The following TDRP variants were observed in gnomAD, a reference collection of about 807,000 sequenced individuals.
TDRP encodes testis development-related protein.
Under a neutral mutation model 10.5 loss-of-function variants are expected in TDRP, and 12 were observed. The observed-to-expected ratio is 1.15, with a 90% CI of 0.73 to 1.86. The LOEUF is 1.86. Among genes scored for constraint, TDRP ranks in the 40% most tolerant of loss-of-function variants. TDRP has a pLI of 0.00. For synonymous variants in TDRP, 139 were observed against 95.4 expected, an observed-to-expected ratio of 1.46 and a Z score of -2.67; for missense variants, 353 against 229.2, an observed-to-expected ratio of 1.54 and a Z score of -3.49.
At chr8:529,167 T>C (rs1246908353) in intron 1 of TDRP, among the ~76,000 whole-genome samples, 4 of 152,090 alleles carry the variant, frequency 2.6e-5, no homozygotes, top group Admixed American at 6.5e-5. Flanking sequence ...AATGTTAACC[T>C]CCTTTGGCAA....
At chr8:538,969 C>T (rs2116876589) in intron 1 of TDRP, among the ~76,000 whole-genome samples, 1 of 152,362 alleles carries the variant, frequency 6.6e-6, no homozygotes, top group East Asian at 1.9e-4. Context: ...CAAATGCACG[C>T]ATCCTCGGAC....
chr8:543,615 A>G (rs1056799407), intron 1 of TDRP, among the ~76,000 whole-genome samples: 3 of 152,022 alleles, frequency 2.0e-5, no homozygotes, highest in Non-Finnish European at 4.4e-5. Context: ...AGACAAGTTC[A>G]GATAGTAACC....
At chr8:505,896 G>C (rs1459831517) in intron 1 of TDRP, among the ~76,000 whole-genome samples, 1 of 152,120 alleles carries the variant, frequency 6.6e-6, no homozygotes, top group African/African-American at 2.4e-5. Context: ...CACACCCAAA[G>C]TCGGCACGTA....
chr8:533,756 C>T (rs57318975), intron 1 of TDRP, among the ~76,000 whole-genome samples: 4,228 of 152,202 alleles, frequency 0.028, 203 homozygotes, highest in African/African-American at 0.097. Flanking sequence ...CTATCCCCCT[C>T]CCCCGATCAC....
chr8:525,391 C>G (rs926477211), intron 1 of TDRP, among the ~76,000 whole-genome samples: 1 of 152,030 alleles, frequency 6.6e-6, no homozygotes, highest in Non-Finnish European at 1.5e-5. Context: ...ACTGGTAATA[C>G]TAAGTACATA....
intron 1 of TDRP, among the ~76,000 whole-genome samples, chr8:521,244 TCCAAAAAAA>T (rs1205600948): frequency 4.0e-5 from 3 of 74,524 alleles, no homozygotes; most frequent in African/African-American, 5.3e-5. Context: ...CTACTAAAAA[TCCAAAAAAA>T]AAAAAAAAAA....
intron 1 of TDRP, among the ~76,000 whole-genome samples, chr8:539,351 C>G (rs1272018636): frequency 6.6e-6 from 1 of 152,138 alleles, no homozygotes. Flanking sequence ...CAGCCCCTCA[C>G]CAAGAACGAA....
At chr8:542,356 C>A (rs183830457) in intron 1 of TDRP, among the ~76,000 whole-genome samples, 2 of 151,978 alleles carry the variant, frequency 1.3e-5, no homozygotes, top group East Asian at 3.9e-4. Context: ...GAATGCACAA[C>A]GAGTGAGCCC....
In TDRP at chr8:491,904, GTTTAA is replaced by G. The variant is rs1800987083; in HGVS notation, c.*490_*494del. 1.7e-6 allele frequency: 2 copies of G among 1,155,296 alleles called. No homozygotes were observed. The highest frequency in any genetic ancestry group is 1.6e-5 in the African/African-American group (1 of 62,640). 71.6% of individuals were successfully genotyped at this position (1,155,296 alleles called of 1,614,324 possible). ...TACGTATTTGTTTAATAAGAACAAA[GTTTAA>G]TTTGTCAAGTTAAACAAAATTTAAC... On this transcript the variant is annotated 3_prime_UTR_variant, in exon 3 of 3. Coordinates refer to ENST00000324079, the MANE Select transcript of TDRP (RefSeq NM_001384899.1).
intron 1 of TDRP, among the ~76,000 whole-genome samples, chr8:504,554 C>T (rs1474049611): frequency 6.6e-6 from 1 of 152,210 alleles, no homozygotes. Flanking sequence ...ACTCTGGGCT[C>T]TGCCACAAAC....
intron 1 of TDRP, among the ~76,000 whole-genome samples, chr8:514,824 C>G (rs1394278440): frequency 1.3e-5 from 2 of 152,008 alleles, no homozygotes; most frequent in Admixed American, 6.6e-5. Context: ...CACCTCTCAG[C>G]CTCCTCCCAC....
chr8:524,684 G>C (rs751092724), intron 1 of TDRP, among the ~76,000 whole-genome samples: 6 of 151,512 alleles, frequency 4.0e-5, no homozygotes, highest in Non-Finnish European at 7.4e-5. Flanking sequence ...GAATGCATCA[G>C]TCTCAAAAGT....
At chr8:542,442 T>C (rs751624612) in intron 1 of TDRP, among the ~76,000 whole-genome samples, 2 of 151,854 alleles carry the variant, frequency 1.3e-5, no homozygotes, top group Non-Finnish European at 2.9e-5. Flanking sequence ...GTGATGATAG[T>C]GGGGGGCTGG....
chr8:503,687 C>CG (rs1801373481), intron 1 of TDRP, among the ~76,000 whole-genome samples: 1 of 133,382 alleles, frequency 7.5e-6, no homozygotes, highest in Non-Finnish European at 1.6e-5. Flanking sequence ...ACGGAATCCA[C>CG]GCCCACATCA....
At position 490,167 on chromosome 8, in the gene TDRP, T is replaced by C. The variant is rs1010090142; in HGVS notation, c.*2232A>G. 3.9e-5 allele frequency: 6 copies of C among 152,192 alleles called. No individual in the cohort carries two copies. The East Asian group carries it at 1.2e-3, about 29-fold the overall frequency. The allele number at this position is 152,192 out of a possible 1,614,324, so 9.4% of individuals were successfully genotyped here. A position where few individuals can be genotyped will look rare whatever the true frequency, so the allele number is the denominator to read the frequency against. On this transcript the variant is annotated 3_prime_UTR_variant, in exon 3 of 3. Transcript: ENST00000324079. ...TGTGAAGATAATAAATTTGCTTTGA[T>C]AACTTCTTTCAAGAAAAGATAATTT...
chr8:504,349 T>A (rs1801395171), intron 1 of TDRP, among the ~76,000 whole-genome samples: 1 of 152,204 alleles, frequency 6.6e-6, no homozygotes, highest in Non-Finnish European at 1.5e-5. Context: ...TAGTGTTTTC[T>A]TTTTCCCTGA....
chr8:515,665 C>T (rs1011631910), intron 1 of TDRP, among the ~76,000 whole-genome samples: 6 of 152,102 alleles, frequency 3.9e-5, no homozygotes, highest in Non-Finnish European at 8.8e-5. Flanking sequence ...ATTGGGCAGC[C>T]TCTAACATTA....
At chr8:508,526 A>G (rs1801527527) in intron 1 of TDRP, among the ~76,000 whole-genome samples, 1 of 152,202 alleles carries the variant, frequency 6.6e-6, no homozygotes, top group African/African-American at 2.4e-5. Context: ...ACTCCCTTAT[A>G]AAACCATCAG....
chr8:527,320 T>C (rs1802060497), intron 1 of TDRP, among the ~76,000 whole-genome samples: 1 of 152,150 alleles, frequency 6.6e-6, no homozygotes, highest in African/African-American at 2.4e-5. Context: ...GAGTCACTAT[T>C]GTTAAAATAT....
Sources: gnomAD v4.1 joint callset for allele counts (sites outside exome capture counted in the v4.1 genomes callset) on GRCh38, gnomAD v4.1.1 for gene constraint, MANE v1.5 for transcripts, NCBI Gene and HGNC (gene_info 2026-07-23, HGNC 2026-07-21) for gene names.